The following ERCC6L2 variants were observed in gnomAD, a reference collection of about 807,000 sequenced individuals.
The protein encoded by ERCC6L2 is DNA excision repair protein ERCC-6-like 2.
ERCC6L2 carries 77 observed loss-of-function variants against 132.0 expected under a neutral mutation model. The observed-to-expected ratio is 0.58, with a 90% CI of 0.49 to 0.71. ERCC6L2 has a LOEUF of 0.71. Among genes scored for constraint, ERCC6L2 ranks in the 30% least tolerant of loss-of-function variants. The pLI, the probability that ERCC6L2 is intolerant of heterozygous loss-of-function variation, is 0.00. For synonymous variants in ERCC6L2, 583 were observed against 632.4 expected, an observed-to-expected ratio of 0.92 and a Z score of 1.17; for missense variants, 1,542 against 1,837.6, an observed-to-expected ratio of 0.84 and a Z score of 2.94.
chr9:95,884,999 A>G (rs941683359), intron 2 of ERCC6L2, among the ~76,000 whole-genome samples: 1 of 152,240 alleles, frequency 6.6e-6, no homozygotes, highest in Non-Finnish European at 1.5e-5. Flanking sequence ...TATGCAACAT[A>G]CATAATGATA....
intron 17 of ERCC6L2, among the ~76,000 whole-genome samples, chr9:95,994,220 A>T (rs1466000944): frequency 6.6e-6 from 1 of 152,172 alleles, no homozygotes; most frequent in Admixed American, 6.5e-5. Flanking sequence ...TGATGACCTT[A>T]GAGTGTCTTG....
At chr9:96,032,028 C>G (rs923741346) in intron 19 of ERCC6L2, among the ~76,000 whole-genome samples, 1 of 152,216 alleles carries the variant, frequency 6.6e-6, no homozygotes, top group Non-Finnish European at 1.5e-5. Flanking sequence ...GAGTCACTGG[C>G]ATAGCATGGG....
chr9:95,921,305 G>C lies in ERCC6L2; in HGVS notation c.1289G>C (p.Cys430Ser). 1.9e-6 allele frequency: 3 copies of C among 1,611,122 alleles called. No individual in the cohort carries two copies. The South Asian group carries it at 3.3e-5, about 18-fold the overall frequency. The change falls in exon 7 of 19, where the codon TGT becomes TCT. Residue 430 changes from cysteine to serine, a missense_variant. Cys to Ser is a moderately radical substitution (Grantham distance 112). This residue lies in a region of ERCC6L2 where 945 missense variants were observed against 1,105.2 expected (regional missense o/e 0.86). Transcript: ENST00000653738. ...TCRSGQKRRN[C>S]CYKTNSHGET... is the part of the protein sequence containing the mutation. ...AGGAGTGGCCAAAAAAGGAGAAATTGTTGTTATAAGGCAAGCATTTCAATA... is the reference window on the plus strand; with the variant it reads ...AGGAGTGGCCAAAAAAGGAGAAATTCTTGTTATAAGGCAAGCATTTCAATA...
At chr9:95,946,215 C>T (rs1831056401) in intron 12 of ERCC6L2, among the ~76,000 whole-genome samples, 1 of 152,074 alleles carries the variant, frequency 6.6e-6, no homozygotes, top group African/African-American at 2.4e-5. Context: ...TAATGGGAAA[C>T]TCCATATTCC....
chr9:95,893,180 C>G (rs541393614), intron 2 of ERCC6L2, among the ~76,000 whole-genome samples: 4 of 152,288 alleles, frequency 2.6e-5, no homozygotes, highest in Non-Finnish European at 5.9e-5. Flanking sequence ...ATTCTATTCT[C>G]ATTTTAAGGA....
chr9:96,033,061 T>C (rs1413519202), intron 19 of ERCC6L2, among the ~76,000 whole-genome samples: 1 of 152,226 alleles, frequency 6.6e-6, no homozygotes, highest in East Asian at 1.9e-4. Context: ...TTAAATCCTA[T>C]AAATGTAATG....
chr9:95,889,747 T>G (rs1309240913), intron 2 of ERCC6L2, among the ~76,000 whole-genome samples: 1 of 152,168 alleles, frequency 6.6e-6, no homozygotes, highest in Non-Finnish European at 1.5e-5. Context: ...ACCCAAAATG[T>G]TATGCTTATT....
intron 11 of ERCC6L2, chr9:95,929,149 T>C (rs1241146795): frequency 9.5e-6 from 2 of 210,014 alleles, no homozygotes; most frequent in Non-Finnish European, 1.9e-5. Context: ...TTGACCCAAG[T>C]CTCCTGGTGA....
chr9:95,898,245 AT>A (rs967617807), intron 3 of ERCC6L2, among the ~76,000 whole-genome samples: 60 of 152,158 alleles, frequency 3.9e-4, no homozygotes, highest in African/African-American at 1.3e-3. Context: ...GATTTACATG[AT>A]TTACTTAGGT....
Position 95,972,729 on chromosome 9 carries a change from G to A in ERCC6L2, c.2978G>A (p.Arg993Lys), listed in dbSNP as rs1564276716. 7.7e-7 allele frequency: 1 copy of A among 1,302,750 alleles called. No individual in the cohort carries two copies. The highest frequency in any genetic ancestry group is 2.3e-5 in the Admixed American group (1 of 43,470). 80.7% of individuals were successfully genotyped at this position (1,302,750 alleles called of 1,614,324 possible). A position where few individuals can be genotyped will look rare whatever the true frequency, so the allele number is the denominator to read the frequency against. Residue 993 changes from arginine (R) to lysine (K), a missense_variant, in exon 16 of 19, where the codon AGA becomes AAA. By Grantham distance (26) the Arg-to-Lys change is conservative. This residue lies in a region of ERCC6L2 where 945 missense variants were observed against 1,105.2 expected (regional missense o/e 0.86). Coordinates refer to ENST00000653738, the MANE Select transcript of ERCC6L2 (RefSeq NM_020207.7). ...SDDIEISSKS[R>K]VRKRASSLRF... is the part of the protein sequence containing the mutation. ...GACATTGAAATTTCTTCCAAGTCAA[G>A]AGTAAGAAAGAGAGCTAGTTCATTG...
chr9:95,944,480 G>A (rs189282885), intron 12 of ERCC6L2, among the ~76,000 whole-genome samples: 19 of 152,210 alleles, frequency 1.2e-4, no homozygotes, highest in African/African-American at 3.4e-4. Context: ...ACTTAATCCC[G>A]TTGCACTGTA....
intron 13 of ERCC6L2, among the ~76,000 whole-genome samples, chr9:95,956,403 A>G (rs1831603627): frequency 6.6e-6 from 1 of 152,130 alleles, no homozygotes; most frequent in South Asian, 2.1e-4. Flanking sequence ...ACAGGCCAAG[A>G]TGTAATGGTT....
chr9:95,995,012 A>G (rs1344581432), intron 17 of ERCC6L2, among the ~76,000 whole-genome samples: 1 of 152,216 alleles, frequency 6.6e-6, no homozygotes, highest in African/African-American at 2.4e-5. Context: ...TCTCTGAACA[A>G]TTCTAGTATA....
chr9:95,875,719 T>C lies in ERCC6L2; in HGVS notation c.-320T>C, dbSNP rs1295977267. 1.7e-5 allele frequency: 7 copies of C among 423,404 alleles called. No individual in the cohort carries two copies. The highest frequency in any genetic ancestry group is 2.6e-5 in the Non-Finnish European group (6 of 233,102). The allele number at this position is 423,404 out of a possible 1,614,324, so 26.2% of individuals were successfully genotyped here. A position where few individuals can be genotyped will look rare whatever the true frequency, so the allele number is the denominator to read the frequency against. On this transcript the variant is annotated 5_prime_UTR_variant, in exon 1 of 19. Transcript: ENST00000653738. ...GCCTAGGAAGATTTGGGGGTCGCCT[T>C]GCCGGCCTCCTGTCCTCCTCCGGCG...
At chr9:96,008,037 T>C (rs1339073659) in intron 18 of ERCC6L2, among the ~76,000 whole-genome samples, 1 of 152,130 alleles carries the variant, frequency 6.6e-6, no homozygotes, top group African/African-American at 2.4e-5. Flanking sequence ...GTGACCACCT[T>C]CCACACTGCC....
In ERCC6L2 at chr9:95,928,854, G is replaced by A. The variant is rs1369573927; in HGVS notation, c.1741G>A (p.Val581Ile). Residue 581 changes from valine to isoleucine, a missense_variant, in exon 11 of 19, where the codon GTC becomes ATC. Around this residue, in one of 4 missense-constraint regions of ERCC6L2, gnomAD observed 945 missense variants for 1,105.2 expected, o/e 0.86. Coordinates refer to ENST00000653738, the MANE Select transcript of ERCC6L2 (RefSeq NM_020207.7). ...TACACAAGATGTTAACATTTGCCTTGTCTCTACAATGTAAGAAAATTAAAT... is the reference window on the plus strand; with the variant it reads ...TACACAAGATGTTAACATTTGCCTTATCTCTACAATGTAAGAAAATTAAAT... ...NSTQDVNICLVSTMAGGLGLN... is the reference protein window; with the variant it reads ...NSTQDVNICLISTMAGGLGLN... 1 of 1,585,762 alleles carries A rather than the reference G, an allele frequency of 6.3e-7. No homozygotes were observed. Among genetic ancestry groups the A allele is most frequent in the Non-Finnish European group, 8.6e-7 (1 of 1,168,658 alleles).
chr9:96,030,790 G>A (rs1215696021), intron 19 of ERCC6L2, among the ~76,000 whole-genome samples: 2 of 151,426 alleles, frequency 1.3e-5, no homozygotes, highest in South Asian at 2.1e-4. Context: ...AACAAACTCC[G>A]GACAAACCAG....
chr9:95,877,369 AT>A (rs1827333433), intron 1 of ERCC6L2, among the ~76,000 whole-genome samples: 1 of 150,616 alleles, frequency 6.6e-6, no homozygotes, highest in Admixed American at 6.6e-5. Context: ...CTGTACACTT[AT>A]CTGAGATACA....
At chr9:95,910,887 T>C (rs960135940) in intron 4 of ERCC6L2, among the ~76,000 whole-genome samples, 22 of 152,116 alleles carry the variant, frequency 1.4e-4, no homozygotes, top group African/African-American at 4.8e-4. Context: ...GACTGAACCT[T>C]GACCATCTAA....
Sources: gnomAD v4.1 joint callset for allele counts (sites outside exome capture counted in the v4.1 genomes callset) on GRCh38, gnomAD v4.1.1 for gene constraint, gnomAD v4.1.1 regional missense constraint, MANE v1.5 for transcripts, NCBI Gene and HGNC (gene_info 2026-07-23, HGNC 2026-07-21) for gene names.